Variants in THSD7A observed in about 807,000 individuals in gnomAD.
THSD7A encodes the protein thrombospondin type-1 domain-containing protein 7A.
In THSD7A, 96 loss-of-function variants were observed where a neutral mutation model predicts 231.3. The observed-to-expected ratio is 0.41, with a 90% confidence interval of 0.35 to 0.49. The LOEUF (loss-of-function observed/expected upper bound fraction) is 0.49, where lower values mean the gene tolerates loss of function less well. Among genes scored for constraint, THSD7A ranks in the 20% least tolerant of loss-of-function variants. The pLI is 0.05. For synonymous variants in THSD7A, 940 were observed against 743.3 expected, an observed-to-expected ratio of 1.26 and a Z score of -4.30; for missense variants, 2,290 against 2,070.2, an observed-to-expected ratio of 1.11 and a Z score of -2.06.
chr7:11,712,353 T>C (rs1029098549), intron 1 of THSD7A, among the ~76,000 whole-genome samples: 1 of 150,952 alleles, frequency 6.6e-6, no homozygotes, highest in Non-Finnish European at 1.5e-5. Flanking sequence ...AAGGAATAAA[T>C]ATGTAATCAT....
intron 1 of THSD7A, among the ~76,000 whole-genome samples, chr7:11,694,743 A>T (rs1780336603): frequency 6.7e-6 from 1 of 149,328 alleles, no homozygotes; most frequent in Non-Finnish European, 1.5e-5. Flanking sequence ...GAATTAAAAT[A>T]TGCAATATGC....
chr7:11,500,697 T>C (rs763419700), intron 6 of THSD7A, among the ~76,000 whole-genome samples: 4 of 151,942 alleles, frequency 2.6e-5, no homozygotes, highest in Non-Finnish European at 5.9e-5. Context: ...CCCAGCACTT[T>C]AGGGGGCCAA....
chr7:11,807,760 C>T (rs1784434719), intron 1 of THSD7A, among the ~76,000 whole-genome samples: 1 of 152,024 alleles, frequency 6.6e-6, no homozygotes, highest in African/African-American at 2.4e-5. Flanking sequence ...TAAAAGATCA[C>T]CTGACCTAAG....
At chr7:11,439,311 T>G (rs186059808) in intron 13 of THSD7A, among the ~76,000 whole-genome samples, 1 of 152,182 alleles carries the variant, frequency 6.6e-6, no homozygotes, top group Admixed American at 6.6e-5. Context: ...AGATCGTGCA[T>G]TTTTTACAAA....
intron 1 of THSD7A, among the ~76,000 whole-genome samples, chr7:11,696,232 T>C (rs554647256): frequency 6.6e-6 from 1 of 151,458 alleles, no homozygotes; most frequent in Non-Finnish European, 1.5e-5. Flanking sequence ...ATTGGCAACA[T>C]GGTTGGAAAT....
chr7:11,707,738 C>T lies in THSD7A; in HGVS notation c.191-70777G>A, dbSNP rs145487605. On this transcript the variant is annotated intron_variant, in intron 1 of 27. Coordinates refer to ENST00000423059, the MANE Select transcript of THSD7A (RefSeq NM_015204.3). ...CCTTCAGCAGTGTGCAGTACACTCT[C>T]GTTTCCATATCTGCATCCTTCAATG... 1.4e-4 allele frequency among the ~76,000 whole-genome samples: 21 copies of T among 150,938 alleles called. No individual in the cohort carries two copies. In the East Asian group the frequency reaches 3.1e-3, roughly 23 times the overall value.
At chr7:11,487,033 C>G (rs1260645664) in intron 6 of THSD7A, among the ~76,000 whole-genome samples, 1 of 151,958 alleles carries the variant, frequency 6.6e-6, no homozygotes, top group Non-Finnish European at 1.5e-5. Context: ...ATTTGTATTC[C>G]TCCATTTATC....
At chr7:11,601,299 CTAGT>C (rs1390168084) in intron 2 of THSD7A, among the ~76,000 whole-genome samples, 1 of 152,106 alleles carries the variant, frequency 6.6e-6, no homozygotes, top group Non-Finnish European at 1.5e-5. Flanking sequence ...TTGACTGCCT[CTAGT>C]TAGTTACTCT....
chr7:11,824,727 C>T (rs951733351), intron 1 of THSD7A, among the ~76,000 whole-genome samples: 10 of 152,050 alleles, frequency 6.6e-5, no homozygotes, highest in South Asian at 2.1e-4. Context: ...GAAAAAAAGA[C>T]AAGACACAAA....
intron 23 of THSD7A, among the ~76,000 whole-genome samples, chr7:11,400,893 C>G (rs191495529): frequency 6.6e-6 from 1 of 152,174 alleles, no homozygotes; most frequent in Non-Finnish European, 1.5e-5. Flanking sequence ...ACACCCTCTA[C>G]CAAATAGCAA....
chr7:11,608,105 A>G (rs909270872), intron 2 of THSD7A, among the ~76,000 whole-genome samples: 1 of 152,164 alleles, frequency 6.6e-6, no homozygotes. Context: ...GTGAAAATTC[A>G]GGACACAAAC....
chr7:11,573,769 G>A (rs566839712), intron 4 of THSD7A, among the ~76,000 whole-genome samples: 4 of 152,284 alleles, frequency 2.6e-5, no homozygotes, highest in Admixed American at 2.0e-4. Context: ...TTTTGCAAGA[G>A]TACAGATTAG....
chr7:11,548,011 A>C (rs964831783), intron 4 of THSD7A, among the ~76,000 whole-genome samples: 2 of 152,170 alleles, frequency 1.3e-5, no homozygotes, highest in African/African-American at 4.8e-5. Flanking sequence ...AACCAAAAAC[A>C]AAGCTGTGCT....
At chr7:11,561,021 T>C (rs1329963507) in intron 4 of THSD7A, among the ~76,000 whole-genome samples, 2 of 152,154 alleles carry the variant, frequency 1.3e-5, no homozygotes. Flanking sequence ...GGTATTCCAG[T>C]TATCCCCATA....
At chr7:11,762,334 G>C (rs1436141010) in intron 1 of THSD7A, among the ~76,000 whole-genome samples, 1 of 152,084 alleles carries the variant, frequency 6.6e-6, no homozygotes, top group East Asian at 1.9e-4. Context: ...CATAGGTGTT[G>C]AATTAATTTA....
chr7:11,537,709 C>T (rs1788971458), intron 6 of THSD7A, among the ~76,000 whole-genome samples: 1 of 152,166 alleles, frequency 6.6e-6, no homozygotes, highest in South Asian at 2.1e-4. Context: ...TACTCAGCCT[C>T]AGGTATTTCT....
At chr7:11,445,540 TG>T (rs1784940447) in intron 13 of THSD7A, among the ~76,000 whole-genome samples, 1 of 151,902 alleles carries the variant, frequency 6.6e-6, no homozygotes, top group Non-Finnish European at 1.5e-5. Flanking sequence ...TGTGTGTGTG[TG>T]TGTCAATCTA....
At chr7:11,445,738 T>C (rs1192855915) in intron 13 of THSD7A, among the ~76,000 whole-genome samples, 1 of 151,966 alleles carries the variant, frequency 6.6e-6, no homozygotes, top group Non-Finnish European at 1.5e-5. Flanking sequence ...TTGTTAGGGA[T>C]TATTGGGTGT....
intron 2 of THSD7A, among the ~76,000 whole-genome samples, chr7:11,629,553 C>T (rs904734362): frequency 2.6e-5 from 4 of 152,138 alleles, no homozygotes; most frequent in Admixed American, 1.3e-4. Context: ...AAATAGTGGG[C>T]AATTTTCTCC....
Sources: gnomAD v4.1 joint callset for allele counts (sites outside exome capture counted in the v4.1 genomes callset) on GRCh38, gnomAD v4.1.1 for gene constraint, MANE v1.5 for transcripts, NCBI Gene and HGNC (gene_info 2026-07-23, HGNC 2026-07-21) for gene names.